Variants in VGLL4 observed in about 807,000 individuals in gnomAD.
VGLL4 encodes the protein transcription cofactor vestigial-like protein 4.
VGLL4 carries 7 observed loss-of-function variants against 21.0 expected under a neutral mutation model. The ratio of observed to expected loss-of-function variants is 0.33; its 90% CI spans 0.19 to 0.63. The LOEUF is 0.63. VGLL4 is among the 20% of genes least tolerant of loss of function. The probability of loss-of-function intolerance (pLI) is 0.78; values close to 1 mark genes in which losing one functional copy is unlikely to be tolerated. For missense variants in VGLL4, 394 were observed against 425.7 expected (o/e 0.93, Z 0.66); for synonymous variants, 222 against 173.2 (o/e 1.28, Z -2.21).
At chr3:11,600,194 ATCATTG>A (rs974083945) in intron 2 of VGLL4, among the ~76,000 whole-genome samples, 2 of 152,152 alleles carry the variant, frequency 1.3e-5, no homozygotes, top group East Asian at 1.9e-4. Flanking sequence ...ATTAACTATT[ATCATTG>A]TCATTGTCAT....
chr3:11,603,576 A>G (rs937709909), intron 1 of VGLL4, among the ~76,000 whole-genome samples: 6 of 152,328 alleles, frequency 3.9e-5, no homozygotes, highest in Admixed American at 2.0e-4. Context: ...TTCCAAGGGA[A>G]AGCTTCAGAA....
At chr3:11,678,353 GC>G (rs1469726043) in intron 2 of VGLL4, among the ~76,000 whole-genome samples, 3 of 152,120 alleles carry the variant, frequency 2.0e-5, no homozygotes, top group African/African-American at 7.2e-5. Flanking sequence ...TCTGCACCCA[GC>G]CCAAGGCTCC....
At chr3:11,631,396 A>G (rs1177666583) in intron 1 of VGLL4, among the ~76,000 whole-genome samples, 1 of 152,156 alleles carries the variant, frequency 6.6e-6, no homozygotes, top group Non-Finnish European at 1.5e-5. Flanking sequence ...TTCCCCAAAC[A>G]CTAAACCTAA....
At chr3:11,711,709 C>T (rs1262663884) in intron 1 of VGLL4, among the ~76,000 whole-genome samples, 1 of 151,650 alleles carries the variant, frequency 6.6e-6, no homozygotes, top group East Asian at 1.9e-4. Context: ...AGAGGGAGAC[C>T]CTGTCTCAAA....
intron 2 of VGLL4, chr3:11,671,420 GA>G: frequency 1.3e-6 from 1 of 795,960 alleles, no homozygotes; most frequent in Non-Finnish European, 2.2e-6. Context: ...AAGTAACAAA[GA>G]GGTAGAAAAC....
At chr3:11,648,068 A>T (rs950114978), upstream of VGLL4, among the ~76,000 whole-genome samples, 1 of 152,210 alleles carries the variant, frequency 6.6e-6, no homozygotes, top group Non-Finnish European at 1.5e-5. Flanking sequence ...TAAAGTAGCA[A>T]CAGGATAGTT....
rs368130473 is a variant in VGLL4, at chr3:11,707,882, T to C, written c.-13-4835A>G. ...TGTAAAAAACAAACAAAAAGTCTTC[T>C]GCATTTTATGTCTTATATACATCCT... On this transcript the variant is annotated intron_variant, in intron 1 of 5. Transcript: ENST00000273038. 3.9e-5 allele frequency among the ~76,000 whole-genome samples: 6 copies of C among 152,134 alleles called. No individual in the cohort carries two copies. In the East Asian group the frequency reaches 1.2e-3, roughly 29 times the overall value.
intron 1 of VGLL4, among the ~76,000 whole-genome samples, chr3:11,617,908 T>C (rs2075194406): frequency 6.6e-6 from 1 of 152,240 alleles, no homozygotes; most frequent in African/African-American, 2.4e-5. Context: ...TAAGATTCCA[T>C]TTTTATTCTT....
At position 11,557,736 on chromosome 3, in the gene VGLL4, A is replaced by C. The variant is rs2072575465; in HGVS notation, c.*820T>G. 1 of 152,776 alleles carries C rather than the reference A, an allele frequency of 6.5e-6. No individual in the cohort carries two copies. The highest frequency in any genetic ancestry group is 2.4e-5 in the African/African-American group (1 of 41,454). 9.5% of individuals were successfully genotyped at this position (152,776 alleles called of 1,614,324 possible). A position where few individuals can be genotyped will look rare whatever the true frequency, so the allele number is the denominator to read the frequency against. On this transcript the variant is annotated 3_prime_UTR_variant, in exon 5 of 5. Coordinates refer to ENST00000430365, the MANE Select transcript of VGLL4 (RefSeq NM_001128219.3). ...GAAACCAGCTATTTTTTCTCCATTA[A>C]AACATGCATCACGTTTAAAGCACTA...
At chr3:11,700,381 A>C (rs113549297) in intron 2 of VGLL4, among the ~76,000 whole-genome samples, 1 of 152,368 alleles carries the variant, frequency 6.6e-6, no homozygotes, top group African/African-American at 2.4e-5. Flanking sequence ...CTACTACCTT[A>C]TATAAAAACT....
intron 2 of VGLL4, among the ~76,000 whole-genome samples, chr3:11,659,575 C>A (rs1034095988): frequency 6.6e-6 from 1 of 151,546 alleles, no homozygotes; most frequent in Non-Finnish European, 1.5e-5. Context: ...TTGGGTGATC[C>A]CCCCCGGCTC....
intron 1 of VGLL4, among the ~76,000 whole-genome samples, chr3:11,613,891 G>T (rs1296820120): frequency 6.6e-6 from 1 of 152,128 alleles, no homozygotes; most frequent in African/African-American, 2.4e-5. Flanking sequence ...CCCCCGCCTC[G>T]AATACAGTCA....
chr3:11,707,981 T>C (rs2076786061), intron 1 of VGLL4, among the ~76,000 whole-genome samples: 1 of 152,206 alleles, frequency 6.6e-6, no homozygotes, highest in African/African-American at 2.4e-5. Flanking sequence ...CAGTATTAGA[T>C]GGAGGATCAC....
At chr3:11,559,223 C>T (rs2072737346) in intron 4 of VGLL4, 109 bp downstream of exon 4, 2 of 1,430,484 alleles carry the variant, frequency 1.4e-6, no homozygotes, top group Non-Finnish European at 1.8e-6. Context: ...TTTTCAACCT[C>T]AGCAATAGAT....
chr3:11,697,705 CCTAGAAAT>C (rs2076624729), intron 2 of VGLL4, among the ~76,000 whole-genome samples: 1 of 152,114 alleles, frequency 6.6e-6, no homozygotes. Context: ...TAGACTACAG[CCTAGAAAT>C]ATAAACATAT....
At chr3:11,703,429 C>T (rs1446018046) in intron 1 of VGLL4, among the ~76,000 whole-genome samples, 1 of 152,200 alleles carries the variant, frequency 6.6e-6, no homozygotes, top group Non-Finnish European at 1.5e-5. Context: ...GCATCACTAC[C>T]AGTGAGGTGG....
chr3:11,700,331 CCTAA>C (rs1169094958), intron 2 of VGLL4, among the ~76,000 whole-genome samples: 1 of 152,116 alleles, frequency 6.6e-6, no homozygotes, highest in Non-Finnish European at 1.5e-5. Context: ...TTTTATTATT[CCTAA>C]CTAAAGTTGG....
intron 2 of VGLL4, among the ~76,000 whole-genome samples, chr3:11,583,195 C>T (rs1415300141): frequency 6.6e-6 from 1 of 152,144 alleles, no homozygotes; most frequent in South Asian, 2.1e-4. Flanking sequence ...AAAGTAACAC[C>T]AATTGAAGCA....
chr3:11,568,673 G>C lies in VGLL4; in HGVS notation c.273-3654C>G. 1.3e-6 allele frequency: 2 copies of C among 1,555,542 alleles called. No individual in the cohort carries two copies. The highest frequency in any genetic ancestry group is 1.7e-4 in the Middle Eastern group (1 of 5,798). On this transcript the variant is annotated intron_variant, in intron 2 of 4. Transcript: ENST00000430365. This position sits in a 1 kb window ranked among gnomAD's most constrained non-coding sequence, Gnocchi z 5.9. ...ATTGTTTTCCAGGCCCCGCTCGCCC[G>C]GATGAATCACCTCCCGGCCACTGCT...
Sources: gnomAD v4.1 joint callset for allele counts (sites outside exome capture counted in the v4.1 genomes callset) on GRCh38, gnomAD v4.1.1 for gene constraint, Gnocchi (gnomAD v3.1) non-coding constraint, MANE v1.5 for transcripts, NCBI Gene and HGNC (gene_info 2026-07-23, HGNC 2026-07-21) for gene names.